Variants in COL19A1 observed in about 807,000 individuals in gnomAD.
COL19A1 encodes the protein collagen type XIX alpha 1 chain.
COL19A1 carries 159 observed loss-of-function variants against 190.2 expected under a neutral mutation model. The observed-to-expected ratio is 0.84, with a 90% confidence interval of 0.73 to 0.95. COL19A1 has a LOEUF of 0.95. Among genes scored for constraint, COL19A1 ranks in the 40% least tolerant of loss-of-function variants. The pLI, the probability that COL19A1 is intolerant of heterozygous loss-of-function variation, is 0.00. For missense variants in COL19A1, 1,418 were observed against 1,431.9 expected, an observed-to-expected ratio of 0.99 and a Z score of 0.16; for synonymous variants, 509 against 458.9, an observed-to-expected ratio of 1.11 and a Z score of -1.39.
intron 4 of COL19A1, among the ~76,000 whole-genome samples, chr6:69,923,515 G>A (rs904498648): frequency 1.3e-5 from 2 of 152,130 alleles, no homozygotes; most frequent in African/African-American, 4.8e-5. Context: ...GCCCTTTCCT[G>A]TGGACATTAA....
chr6:70,017,250 C>G (rs1364859128), intron 11 of COL19A1, among the ~76,000 whole-genome samples: 1 of 152,014 alleles, frequency 6.6e-6, no homozygotes, highest in African/African-American at 2.4e-5. Flanking sequence ...TTGTATAATT[C>G]TATTTATATG....
At chr6:70,074,212 T>C (rs59313485) in intron 15 of COL19A1, among the ~76,000 whole-genome samples, 22,576 of 151,750 alleles carry the variant, frequency 0.15, 2,146 homozygotes, top group South Asian at 0.28. Context: ...ATAATAATAG[T>C]GTTTCATTGG....
chr6:70,142,312 T>C (rs1786309366), intron 22 of COL19A1, among the ~76,000 whole-genome samples: 1 of 152,136 alleles, frequency 6.6e-6, no homozygotes, highest in Non-Finnish European at 1.5e-5. Flanking sequence ...CACAATAGCA[T>C]CCCTAAAAGC....
At chr6:70,100,161 C>A (rs1300499802) in intron 15 of COL19A1, among the ~76,000 whole-genome samples, 2 of 152,184 alleles carry the variant, frequency 1.3e-5, no homozygotes. Context: ...TTTTAACTTA[C>A]CTCAACCTAA....
At position 69,900,308 on chromosome 6, in the gene COL19A1, T is replaced by A; in HGVS notation, c.236T>A (p.Leu79Ter). 6.3e-7 allele frequency: 1 copy of A among 1,592,014 alleles called. No homozygotes were observed. Among genetic ancestry groups the A allele is most frequent in the Non-Finnish European group, 8.6e-7 (1 of 1,168,580 alleles). ...FCESDKTCFK[L>*]GSALLIRDTI... ...GAAAGTGATAAAACCTGTTTCAAAT[T>A]GGGAAGTGCACTTCTTATTAGAGAC... Residue 79 changes from leucine (L) to a stop codon, truncating the protein, a stop_gained, in exon 4 of 51, where the codon TTG becomes TAG. Transcript: ENST00000620364. LOFTEE classifies it high-confidence loss of function.
chr6:69,918,280 AAAG>A (rs1771445593), intron 4 of COL19A1, among the ~76,000 whole-genome samples: 1 of 152,182 alleles, frequency 6.6e-6, no homozygotes, highest in African/African-American at 2.4e-5. Context: ...AAGGAAAGGC[AAAG>A]AAGGAGGACA....
intron 11 of COL19A1, among the ~76,000 whole-genome samples, chr6:69,979,027 A>C (rs1009028208): frequency 3.3e-5 from 5 of 151,952 alleles, no homozygotes; most frequent in African/African-American, 1.2e-4. Flanking sequence ...ATTGACCAAG[A>C]ATAACTGGAA....
intron 14 of COL19A1, among the ~76,000 whole-genome samples, chr6:70,057,682 G>A (rs1435160998): frequency 6.6e-6 from 1 of 152,036 alleles, no homozygotes; most frequent in Non-Finnish European, 1.5e-5. Flanking sequence ...TTCTTTTAAT[G>A]AAGGGCAAAC....
intron 1 of COL19A1, among the ~76,000 whole-genome samples, chr6:69,871,809 AT>A (rs556851857): frequency 1.4e-3 from 156 of 110,348 alleles, no homozygotes; most frequent in East Asian, 3.1e-3. Context: ...CAAGTCCACC[AT>A]TTTTTTTTTT....
chr6:69,925,834 TTC>T (rs1772346945), intron 4 of COL19A1, among the ~76,000 whole-genome samples: 3 of 152,310 alleles, frequency 2.0e-5, no homozygotes, highest in Non-Finnish European at 4.4e-5. Context: ...AGGTATTTTA[TTC>T]TCTTTGAAGT....
rs192691480 is a variant in COL19A1 at position 70,164,998 on chromosome 6, T to C, written c.2401-943T>C. ...GGAATGAAGTCCTTGATTACATTTA[T>C]GGGAATGGACTAAAATCCCTCAAAA... On this transcript the variant is annotated intron_variant, in intron 36 of 50. Transcript: ENST00000620364. Among the ~76,000 whole-genome samples, 366 of 152,350 alleles carry C rather than the reference T, an allele frequency of 2.4e-3. 2 individuals carry two copies. The highest frequency in any genetic ancestry group is 8.4e-3 in the African/African-American group (349 of 41,580).
chr6:69,945,852 A>G (rs1773762924), intron 9 of COL19A1, among the ~76,000 whole-genome samples: 1 of 152,068 alleles, frequency 6.6e-6, no homozygotes, highest in South Asian at 2.1e-4. Flanking sequence ...TGTTAGTGAC[A>G]GAGAAACTCA....
At chr6:70,063,894 C>T (rs545585360) in intron 14 of COL19A1, among the ~76,000 whole-genome samples, 8 of 152,236 alleles carry the variant, frequency 5.3e-5, no homozygotes, top group African/African-American at 1.7e-4. Flanking sequence ...GGATAAACTC[C>T]TCGACACATA....
At chr6:70,045,522 A>G (rs1406876968) in intron 14 of COL19A1, among the ~76,000 whole-genome samples, 1 of 152,092 alleles carries the variant, frequency 6.6e-6, no homozygotes, top group Non-Finnish European at 1.5e-5. Context: ...GCTTTAATAT[A>G]TTTTTAAGGC....
intron 11 of COL19A1, among the ~76,000 whole-genome samples, chr6:70,022,459 C>T (rs1383573692): frequency 6.6e-6 from 1 of 152,142 alleles, no homozygotes; most frequent in African/African-American, 2.4e-5. Context: ...AGTGTTGTTT[C>T]TAAGACCTGT....
intron 9 of COL19A1, among the ~76,000 whole-genome samples, chr6:69,943,921 C>T (rs977023380): frequency 6.6e-6 from 1 of 152,108 alleles, no homozygotes; most frequent in Non-Finnish European, 1.5e-5. Flanking sequence ...GAGCCAAAAC[C>T]CACTAATGAC....
intron 11 of COL19A1, among the ~76,000 whole-genome samples, chr6:69,991,387 A>G (rs373688585): frequency 5.9e-5 from 9 of 152,124 alleles, no homozygotes; most frequent in African/African-American, 2.2e-4. Context: ...AGAATAATTT[A>G]TATTCCTTTA....
At chr6:70,157,357 A>C (rs776201218) in intron 34 of COL19A1, among the ~76,000 whole-genome samples, 2 of 152,074 alleles carry the variant, frequency 1.3e-5, no homozygotes, top group Admixed American at 6.6e-5. Context: ...TCAGGACATC[A>C]TTTTTTTCTT....
At chr6:69,885,162 C>T (rs1768831678) in intron 2 of COL19A1, among the ~76,000 whole-genome samples, 1 of 152,144 alleles carries the variant, frequency 6.6e-6, no homozygotes, top group Non-Finnish European at 1.5e-5. Flanking sequence ...CCGCGCTGGG[C>T]CCCTTTGGCT....
Sources: gnomAD v4.1 joint callset for allele counts (sites outside exome capture counted in the v4.1 genomes callset) on GRCh38, gnomAD v4.1.1 for gene constraint, MANE v1.5 for transcripts, NCBI Gene and HGNC (gene_info 2026-07-23, HGNC 2026-07-21) for gene names.